Variants in HNRNPA2B1 observed in about 807,000 individuals in gnomAD.
HNRNPA2B1 encodes the protein heterogeneous nuclear ribonucleoprotein A2/B1.
Under a neutral mutation model 46.3 loss-of-function variants are expected in HNRNPA2B1, and 3 were observed. That is an observed-to-expected ratio of 0.06 (90% CI 0.03 to 0.17). HNRNPA2B1 has a LOEUF of 0.17. Ranked by LOEUF, HNRNPA2B1 falls within the 10% of genes least tolerant of loss-of-function variation. The probability of loss-of-function intolerance (pLI) is 1.00; values close to 1 mark genes in which losing one functional copy is unlikely to be tolerated. For missense variants in HNRNPA2B1, 221 were observed against 418.9 expected, an observed-to-expected ratio of 0.53 and a Z score of 4.12; for synonymous variants, 225 against 133.8, an observed-to-expected ratio of 1.68 and a Z score of -4.70.
chr7:26,193,361 C>G lies in HNRNPA2B1; in HGVS notation c.854G>C (p.Ser285Thr). 1 of 1,611,000 alleles carries G rather than the reference C, an allele frequency of 6.2e-7. No individual in the cohort carries two copies. Among genetic ancestry groups the G allele is most frequent in the Non-Finnish European group, 8.5e-7 (1 of 1,177,310 alleles). The change falls in exon 9 of 11, where the codon AGT (serine) becomes ACT (threonine). Residue 285 changes from serine (S) to threonine (T), a missense_variant. Transcript: ENST00000618183. ...ATTTCCAAAATCATTGTAATTTCCACTTCCATAATTTCCTATTAAAAAATT... is the reference window on the plus strand; with the variant it reads ...ATTTCCAAAATCATTGTAATTTCCAGTTCCATAATTTCCTATTAAAAAATT... ...YDNYGGGNYG[S>T]GNYNDFGNYN...
chr7:26,196,426 T>C lies in HNRNPA2B1; in HGVS notation c.633A>G (p.Pro211=), dbSNP rs752086550. The change falls in exon 6 of 11, where the codon CCA becomes CCG. Residue 211 remains proline (P), a synonymous_variant. Transcript: ENST00000618183. ...RGGGGNFGPG[P]GSNFRGGSDG... is the part of the protein sequence containing the mutation. ...CAGATCCTCCTCTAAAGTTACTTCC[T>C]GGTCCTGGTCCGAAATTTCCACCGC... is the stretch of plus-strand genomic sequence containing the variant. 2.5e-6 allele frequency: 4 copies of C among 1,614,088 alleles called. No homozygotes were observed. The highest frequency in any genetic ancestry group is 4.5e-5 in the East Asian group (2 of 44,878).
intron 1 of HNRNPA2B1, chr7:26,199,311 A>T (rs1042990494): frequency 6.6e-6 from 1 of 152,596 alleles, no homozygotes; most frequent in Non-Finnish European, 1.5e-5. Flanking sequence ...CCTTATGCTT[A>T]TCAATGTAAT....
chr7:26,197,546 T>TA, intron 2 of HNRNPA2B1, 76 bp downstream of exon 2: 1 of 1,560,200 alleles, frequency 6.4e-7, no homozygotes, highest in African/African-American at 1.4e-5. Context: ...ACTATGCTGA[T>TA]AGTTATTTCC....
chr7:26,197,112 A>C, intron 3 of HNRNPA2B1, 95 bp from the exon 4 acceptor site: 1 of 1,112,982 alleles, frequency 9.0e-7, no homozygotes, highest in Non-Finnish European at 1.3e-6. Flanking sequence ...GCTTGTATCC[A>C]CCTTAAAACT....
chr7:26,195,963 C>G, intron 6 of HNRNPA2B1, 54 bp from the exon 7 acceptor site: 1 of 1,543,732 alleles, frequency 6.5e-7, no homozygotes, highest in South Asian at 1.2e-5. Flanking sequence ...AGCATTATTG[C>G]TAATATTCAT....
chr7:26,196,662 G>C lies in HNRNPA2B1; in HGVS notation c.476-4C>G. The C allele has an allele frequency of 1.9e-6, 3 of 1,609,882 alleles. No individual in the cohort carries two copies. The highest frequency in any genetic ancestry group is 3.3e-5 in the Admixed American group (2 of 59,704). On this transcript the variant is annotated splice_polypyrimidine_tract_variant and splice_region_variant and intron_variant, in intron 4 of 10. Coordinates refer to ENST00000618183, the MANE Select transcript of HNRNPA2B1 (RefSeq NM_002137.4). ...TTGATGGTATGGTATTTCTGCACTG[G>C]AATGAAAAATTCAGACTCCTTTTAA...
chr7:26,192,669 C>T lies in HNRNPA2B1; in HGVS notation c.965-92G>A, dbSNP rs899102636. 4 of 1,057,486 alleles carry T rather than the reference C, an allele frequency of 3.8e-6. No individual in the cohort carries two copies. The African/African-American group carries it at 6.3e-5, about 17-fold the overall frequency. The allele number at this position is 1,057,486 out of a possible 1,614,324, so 65.5% of individuals were successfully genotyped here. The stretch of plus-strand genomic sequence containing the variant: ...CAGTTGATTCTATTTTATATCCATC[C>T]AGTCTTTTAAACAAGCAGATCCTAA... On this transcript the variant is annotated intron_variant, in intron 9 of 10. Coordinates refer to ENST00000618183, the MANE Select transcript of HNRNPA2B1 (RefSeq NM_002137.4).
Position 26,192,120 on chromosome 7 carries a change from AT to A in HNRNPA2B1, c.*239del, listed in dbSNP as rs201198080. ...AAAGCTAAGAAACTGTCTCAAAGGCATTTTTTTTTACAATCCTTCCTCCACA... is the reference window on the plus strand; with the variant it reads ...AAAGCTAAGAAACTGTCTCAAAGGCATTTTTTTTACAATCCTTCCTCCACA... On this transcript the variant is annotated 3_prime_UTR_variant, in exon 11 of 11. Transcript: ENST00000618183. The A allele has an allele frequency of 7.4e-4, 118 of 160,194 alleles. No homozygotes were observed. Among genetic ancestry groups the A allele is most frequent in the East Asian group, 1.4e-3 (8 of 5,596 alleles). The allele number at this position is 160,194 out of a possible 1,614,324, so 9.9% of individuals were successfully genotyped here. A position where few individuals can be genotyped will look rare whatever the true frequency, so the allele number is the denominator to read the frequency against.
intron 7 of HNRNPA2B1, among the ~76,000 whole-genome samples, chr7:26,195,530 A>C (rs1783475227): frequency 6.6e-6 from 1 of 152,184 alleles, no homozygotes; most frequent in Non-Finnish European, 1.5e-5. Context: ...CTTAGGTTTT[A>C]CTCTGTTAAA....
At chr7:26,196,006 T>G in intron 6 of HNRNPA2B1, 97 bp from the exon 7 acceptor site, 1 of 1,461,820 alleles carries the variant, frequency 6.8e-7, no homozygotes, top group South Asian at 1.4e-5. Context: ...GCACAATAAT[T>G]AAGAACCGCA....
rs544243388 is a variant in HNRNPA2B1, at chr7:26,196,807, A to G, written c.475T>C (p.Leu159=). The change falls in exon 4 of 11, where the codon TTG becomes CTG. Residue 159 remains leucine (L), a splice_region_variant and synonymous_variant. Transcript: ENST00000618183. ...DDHDPVDKIV[L]QKYHTINGHN... ...AGTACATTTGTGGTTAGACACTTAC[A>G]TACGATTTTATCCACAGGATCATGG... is the stretch of plus-strand genomic sequence containing the variant. The G allele has an allele frequency of 1.9e-6, 3 of 1,612,650 alleles. No individual in the cohort carries two copies. Among genetic ancestry groups the G allele is most frequent in the East Asian group, 4.5e-5 (2 of 44,862 alleles).
rs1427682233 is a variant in HNRNPA2B1 at position 26,191,308 on chromosome 7, A to C, written c.*1052T>G. On this transcript the variant is annotated 3_prime_UTR_variant, in exon 11 of 11. Coordinates refer to ENST00000618183, the MANE Select transcript of HNRNPA2B1 (RefSeq NM_002137.4). ...CTTGAGTTTATAAATTGTTAAACTC[A>C]ATTTATAGCTATGTTAAACTACGTA... 2 of 152,226 alleles carry C rather than the reference A, an allele frequency of 1.3e-5. No individual in the cohort carries two copies. Among genetic ancestry groups the C allele is most frequent in the African/African-American group, 2.4e-5 (1 of 41,456 alleles). The allele number at this position is 152,226 out of a possible 1,614,324, so 9.4% of individuals were successfully genotyped here. A position where few individuals can be genotyped will look rare whatever the true frequency, so the allele number is the denominator to read the frequency against.
chr7:26,198,477 A>G (rs1230924113), intron 1 of HNRNPA2B1: 6 of 152,370 alleles, frequency 3.9e-5, no homozygotes, highest in Non-Finnish European at 7.3e-5. Context: ...ATATGACAAT[A>G]CAGAATATGA....
chr7:26,194,523 AC>A (rs1281481753), intron 7 of HNRNPA2B1, among the ~76,000 whole-genome samples: 2 of 145,728 alleles, frequency 1.4e-5, no homozygotes, highest in Non-Finnish European at 3.0e-5. Flanking sequence ...ACACAGCAAA[AC>A]CCCCACACCT....
At chr7:26,199,605 A>G (rs941649266) in intron 1 of HNRNPA2B1, 2 of 152,206 alleles carry the variant, frequency 1.3e-5, no homozygotes, top group Middle Eastern at 3.2e-3. Flanking sequence ...TAAGAACAGT[A>G]AAGGATTCTG....
chr7:26,192,403 T>G, intron 10 of HNRNPA2B1, 65 bp from the exon 11 acceptor site: 2 of 857,696 alleles, frequency 2.3e-6, no homozygotes, highest in East Asian at 4.8e-5. Context: ...TAACCAGATT[T>G]TAAGGAAAGA....
intron 9 of HNRNPA2B1, 104 bp from the exon 10 acceptor site, chr7:26,192,681 CAAGCA>C: frequency 1.1e-6 from 1 of 927,834 alleles, no homozygotes. Flanking sequence ...GTCTTTTAAA[CAAGCA>C]GATCCTAATC....
intron 8 of HNRNPA2B1, 88 bp downstream of exon 8, chr7:26,193,487 C>G (rs569182699): frequency 6.5e-7 from 1 of 1,532,232 alleles, no homozygotes; most frequent in Admixed American, 2.2e-5. Context: ...TTATGGGCAT[C>G]TAGTGACAAA....
At position 26,198,183 on chromosome 7, in the gene HNRNPA2B1, G is replaced by A. The variant is rs190728847; in HGVS notation, c.7-451C>T. The A allele has an allele frequency of 3.0e-5, 7 of 230,338 alleles. No individual in the cohort carries two copies. The Admixed American group carries it at 3.3e-4, about 11-fold the overall frequency. 14.3% of individuals were successfully genotyped at this position (230,338 alleles called of 1,614,324 possible). On this transcript the variant is annotated intron_variant, in intron 1 of 10. Coordinates refer to ENST00000618183, the MANE Select transcript of HNRNPA2B1 (RefSeq NM_002137.4). Reference sequence around the variant, plus strand: ...AAATAACTCTTGGTTCATTACTTATGACCCAAAGTTTTTATTTCACTATTC... The same window carrying A: ...AAATAACTCTTGGTTCATTACTTATAACCCAAAGTTTTTATTTCACTATTC...
Sources: gnomAD v4.1 joint callset for allele counts (sites outside exome capture counted in the v4.1 genomes callset) on GRCh38, gnomAD v4.1.1 for gene constraint, MANE v1.5 for transcripts, NCBI Gene and HGNC (gene_info 2026-07-23, HGNC 2026-07-21) for gene names.